Variants in A1CF observed in about 807,000 individuals in gnomAD.
A1CF encodes APOBEC1 complementation factor.
In A1CF, 48 loss-of-function variants were observed where a neutral mutation model predicts 68.9. That is an observed-to-expected ratio of 0.70 (90% CI 0.55 to 0.89). The LOEUF (loss-of-function observed/expected upper bound fraction) is 0.89. Ranked by LOEUF, A1CF falls within the 40% of genes least tolerant of loss-of-function variation. The probability of loss-of-function intolerance (pLI) is 0.00; values close to 1 mark genes in which losing one functional copy is unlikely to be tolerated. For synonymous variants in A1CF, 272 were observed against 260.4 expected (o/e 1.04, Z -0.43); for missense variants, 653 against 718.9 (o/e 0.91, Z 1.05).
At chr10:50,807,275 G>A (rs1837877357) in intron 12 of A1CF, among the ~76,000 whole-genome samples, 1 of 152,156 alleles carries the variant, frequency 6.6e-6, no homozygotes, top group Non-Finnish European at 1.5e-5. Flanking sequence ...GCTGGGCATG[G>A]TATGTGGGGA....
chr10:50,819,171 GCTGGAGTGCAA>G (rs1319457448), intron 8 of A1CF, among the ~76,000 whole-genome samples: 7 of 152,004 alleles, frequency 4.6e-5, no homozygotes, highest in Non-Finnish European at 1.0e-4. Context: ...TGTTGCCCAG[GCTGGAGTGCAA>G]AGGCACAATC....
rs1423885244 is a variant in A1CF at position 50,810,062 on chromosome 10, G to A, written c.1461-20C>T. On this transcript the variant is annotated intron_variant, in intron 11 of 12. Transcript: ENST00000373997. ...GGGTGGCTGGAAAGCAAGTCAGTCAGGGTAGGCATTTTTAAACTGGTACAA... is the reference window on the plus strand; with the variant it reads ...GGGTGGCTGGAAAGCAAGTCAGTCAAGGTAGGCATTTTTAAACTGGTACAA... The A allele has an allele frequency of 1.9e-6, 3 of 1,613,338 alleles. No individual in the cohort carries two copies. Among genetic ancestry groups the A allele is most frequent in the Non-Finnish European group, 2.5e-6 (3 of 1,179,558 alleles).
intron 1 of A1CF, among the ~76,000 whole-genome samples, chr10:50,885,107 G>A (rs991873501): frequency 3.4e-4 from 52 of 152,310 alleles, no homozygotes; most frequent in African/African-American, 1.1e-3. Flanking sequence ...TTTTATGGTG[G>A]TAGTAGCTCT....
intron 6 of A1CF, among the ~76,000 whole-genome samples, chr10:50,829,556 A>G (rs1839139553): frequency 6.6e-6 from 1 of 152,132 alleles, no homozygotes; most frequent in South Asian, 2.1e-4. Flanking sequence ...CTAAAACCCA[A>G]ATGAAGAATA....
rs1325782974 is a variant in A1CF at position 50,834,879 on chromosome 10, G to C, written c.604+1195C>G. ...AGACTTCAGTGGTGGCCTAAGAACA[G>C]GATGGATACAAAAGACTTTTCAATG... On this transcript the variant is annotated intron_variant, in intron 6 of 12. Transcript: ENST00000373997. 2.0e-5 allele frequency among the ~76,000 whole-genome samples: 3 copies of C among 152,114 alleles called. 1 individual carries two copies. The highest frequency in any genetic ancestry group is 4.1e-4 in the South Asian group (2 of 4,822).
chr10:50,869,955 G>A (rs1261380375), intron 1 of A1CF, among the ~76,000 whole-genome samples: 4 of 151,592 alleles, frequency 2.6e-5, no homozygotes, highest in Non-Finnish European at 5.9e-5. Flanking sequence ...GTTAATAAAT[G>A]GATGTTAATG....
intron 11 of A1CF, 134 bp from the exon 12 acceptor site, chr10:50,810,176 T>C: frequency 9.9e-7 from 1 of 1,010,828 alleles, no homozygotes; most frequent in Non-Finnish European, 1.4e-6. Context: ...TTCTGTTTGC[T>C]ATTAAAGCTT....
In A1CF at chr10:50,820,668, G is replaced by T; in HGVS notation, c.770-19C>A. ...ACAGCACCTGTAAAATAGAGTGAAG[G>T]TTGCCCCATTAACAAAATTAAGAGA... On this transcript the variant is annotated intron_variant, in intron 7 of 12. Coordinates refer to ENST00000373997, the MANE Select transcript of A1CF (RefSeq NM_014576.4). 6.3e-7 allele frequency: 1 copy of T among 1,597,242 alleles called. No homozygotes were observed. Among genetic ancestry groups the T allele is most frequent in the Non-Finnish European group, 8.5e-7 (1 of 1,170,576 alleles).
chr10:50,849,523 AAGAC>A (rs1404756917), intron 3 of A1CF, among the ~76,000 whole-genome samples: 1 of 152,236 alleles, frequency 6.6e-6, no homozygotes, highest in Non-Finnish European at 1.5e-5. Flanking sequence ...ATTAGAAACA[AAGAC>A]AGGAAAAGCT....
At chr10:50,817,738 G>T (rs1838440090) in intron 8 of A1CF, among the ~76,000 whole-genome samples, 1 of 152,172 alleles carries the variant, frequency 6.6e-6, no homozygotes, top group African/African-American at 2.4e-5. Context: ...TGCATGGAAT[G>T]ATTCTTTGCG....
intron 6 of A1CF, among the ~76,000 whole-genome samples, chr10:50,834,205 C>T (rs2132420413): frequency 6.6e-6 from 1 of 152,320 alleles, no homozygotes; most frequent in East Asian, 1.9e-4. Flanking sequence ...TGGAAACTGT[C>T]TTTCACTTGT....
rs1837535128 is a variant in A1CF, at chr10:50,799,982, A to G, written c.*6747T>C. The G allele has an allele frequency of 6.6e-6, 1 of 152,154 alleles. No homozygotes were observed. The highest frequency in any genetic ancestry group is 1.5e-5 in the Non-Finnish European group (1 of 67,970). The allele number at this position is 152,154 out of a possible 1,614,324, so 9.4% of individuals were successfully genotyped here. A position where few individuals can be genotyped will look rare whatever the true frequency, so the allele number is the denominator to read the frequency against. The stretch of plus-strand genomic sequence containing the variant: ...GATTTATCTGTAGTCTGTGTGCCCA[A>G]AGATATCTTAGGAATTATAAAGAAA... On this transcript the variant is annotated 3_prime_UTR_variant, in exon 13 of 13. Coordinates refer to ENST00000373997, the MANE Select transcript of A1CF (RefSeq NM_014576.4).
intron 10 of A1CF, among the ~76,000 whole-genome samples, chr10:50,812,182 GC>G (rs1359800825): frequency 6.6e-6 from 1 of 152,208 alleles, no homozygotes; most frequent in East Asian, 1.9e-4. Context: ...TAATAAAGGA[GC>G]TTTTGCTGGT....
chr10:50,830,374 G>T (rs892913493), intron 6 of A1CF, among the ~76,000 whole-genome samples: 1 of 152,072 alleles, frequency 6.6e-6, no homozygotes, highest in Non-Finnish European at 1.5e-5. Flanking sequence ...TGTAAAGATT[G>T]ACTAATATTC....
chr10:50,817,528 T>C (rs562813150), intron 8 of A1CF, among the ~76,000 whole-genome samples: 1 of 152,322 alleles, frequency 6.6e-6, no homozygotes, highest in South Asian at 2.1e-4. Flanking sequence ...GATGGAATAC[T>C]CTGAGAGACA....
intron 3 of A1CF, among the ~76,000 whole-genome samples, chr10:50,852,671 T>C (rs1840302303): frequency 6.6e-6 from 1 of 152,178 alleles, no homozygotes; most frequent in Non-Finnish European, 1.5e-5. Flanking sequence ...CCAGGAGCTA[T>C]ATTTTGCCAT....
rs539078799 is a variant in A1CF, at chr10:50,823,222, T to C, written c.770-2573A>G. On this transcript the variant is annotated intron_variant, in intron 7 of 12. Transcript: ENST00000373997. ...AAACAGACAAGTTAAAAAGTTAGAG[T>C]CTGTGTCATAAAAGTTGGTTTTCTC... Among the ~76,000 whole-genome samples the C allele has an allele frequency of 2.6e-5, 4 of 152,186 alleles. No individual in the cohort carries two copies. In the South Asian group the frequency reaches 8.3e-4, roughly 32 times the overall value.
Position 50,806,799 on chromosome 10 carries a change from G to T in A1CF, c.1691C>A (p.Ala564Glu). The change falls in exon 13 of 13, where the codon GCA (alanine) becomes GAA (glutamate). Residue 564 changes from alanine to glutamate, a missense_variant. Transcript: ENST00000373997. Reference sequence around the variant, plus strand: ...TGGGTAGACCTCATAGGTTGTATATGCTGCTAAGTCTTGTCCAAGGGTTAC... The same window carrying T: ...TGGGTAGACCTCATAGGTTGTATATTCTGCTAAGTCTTGTCCAAGGGTTAC... ...QAVTLGQDLA[A>E]YTTYEVYPTF... 2 of 1,613,578 alleles carry T rather than the reference G, an allele frequency of 1.2e-6. No homozygotes were observed. The highest frequency in any genetic ancestry group is 1.7e-6 in the Non-Finnish European group (2 of 1,179,716).
chr10:50,874,914 C>T (rs995710557), intron 1 of A1CF, among the ~76,000 whole-genome samples: 2 of 152,120 alleles, frequency 1.3e-5, no homozygotes, highest in African/African-American at 2.4e-5. Context: ...CTTACCCTCC[C>T]GGAAGGATTC....
Sources: gnomAD v4.1 joint callset for allele counts (sites outside exome capture counted in the v4.1 genomes callset) on GRCh38, gnomAD v4.1.1 for gene constraint, MANE v1.5 for transcripts, NCBI Gene and HGNC (gene_info 2026-07-23, HGNC 2026-07-21) for gene names.